The following GATA3 variants were observed in gnomAD, a reference collection of about 807,000 sequenced individuals.
The protein encoded by GATA3 is trans-acting T-cell-specific transcription factor GATA-3.
GATA3 carries 6 observed loss-of-function variants against 36.0 expected under a neutral mutation model. That is an observed-to-expected ratio of 0.17 (90% CI 0.09 to 0.33). The LOEUF is 0.33. Ranked by LOEUF, GATA3 falls within the 10% of genes least tolerant of loss-of-function variation. GATA3 has a pLI of 1.00. For missense variants in GATA3, 514 were observed against 610.1 expected, an observed-to-expected ratio of 0.84 and a Z score of 1.66; for synonymous variants, 326 against 273.0, an observed-to-expected ratio of 1.19 and a Z score of -1.92.
intron 3 of GATA3, among the ~76,000 whole-genome samples, chr10:8,059,127 C>A (rs772841647): frequency 3.3e-5 from 5 of 152,214 alleles, no homozygotes; most frequent in African/African-American, 1.2e-4. Context: ...TTCTGCCTGT[C>A]GCAGGACTTC....
chr10:8,067,662 A>G (rs890028875), intron 4 of GATA3, among the ~76,000 whole-genome samples: 7 of 151,302 alleles, frequency 4.6e-5, no homozygotes, highest in African/African-American at 1.7e-4. Context: ...TACTAAAAAT[A>G]CAAAAAATTA....
chr10:8,051,509 T>TGCG (rs561093069), upstream of GATA3: 114 of 157,208 alleles, frequency 7.3e-4, no homozygotes, highest in African/African-American at 2.0e-3. Flanking sequence ...CCCCGGGCCC[T>TGCG]GCGGCGGCGG....
At chr10:8,047,295 G>A (rs1445948554) in intron 1 of GATA3, among the ~76,000 whole-genome samples, 1 of 152,210 alleles carries the variant, frequency 6.6e-6, no homozygotes, top group Non-Finnish European at 1.5e-5. Flanking sequence ...GGAACCATAG[G>A]AGGTGGCAGG....
chr10:8,053,593 C>T (rs1303197819), upstream of GATA3: 1 of 152,260 alleles, frequency 6.6e-6, no homozygotes, highest in African/African-American at 2.4e-5. This position sits in a 1 kb window ranked among gnomAD's most constrained non-coding sequence, Gnocchi z 5.1. Flanking sequence ...GCTCGCCCCG[C>T]CCCTCTCGCT....
At chr10:8,045,573 G>T (rs969139080) in intron 1 of GATA3, 7 of 152,332 alleles carry the variant, frequency 4.6e-5, no homozygotes, top group Non-Finnish European at 7.3e-5. Context: ...CCCGCTCCAC[G>T]TGGAGAGAAT....
chr10:8,070,759 T>C (rs1273299204), intron 5 of GATA3, among the ~76,000 whole-genome samples: 2 of 152,190 alleles, frequency 1.3e-5, no homozygotes, highest in Admixed American at 1.3e-4. Context: ...GTTGCTGTGA[T>C]TCCGAGGAGC....
rs1832588878 is a variant in GATA3 at position 8,054,710 on chromosome 10, G to T, written c.-551G>T. On this transcript the variant is annotated 5_prime_UTR_variant, in exon 1 of 6. Coordinates refer to ENST00000379328, the MANE Select transcript of GATA3 (RefSeq NM_001002295.2). The surrounding 1 kb of genome is among the most constrained non-coding windows in gnomAD (Gnocchi z 4.2). ...TGCGAACACTGAGCTGCCTGGCGCC[G>T]TCTTGATACTTTCAGAAAGAATGCA... The T allele has an allele frequency of 6.7e-6, 1 of 149,552 alleles. No individual in the cohort carries two copies. The highest frequency in any genetic ancestry group is 2.1e-4 in the South Asian group (1 of 4,762). 9.3% of individuals were successfully genotyped at this position (149,552 alleles called of 1,614,324 possible).
intron 3 of GATA3, among the ~76,000 whole-genome samples, chr10:8,059,297 C>T (rs1313789108): frequency 6.6e-6 from 1 of 152,204 alleles, no homozygotes; most frequent in East Asian, 1.9e-4. Context: ...CTGTTCCTCT[C>T]GCTCAGCTCA....
chr10:8,072,511 G>A (rs1327958863), intron 5 of GATA3, among the ~76,000 whole-genome samples: 1 of 152,180 alleles, frequency 6.6e-6, no homozygotes, highest in Non-Finnish European at 1.5e-5. Flanking sequence ...AGTAACTTCT[G>A]TTTACTTTGT....
chr10:8,061,787 C>G (rs749650480), intron 3 of GATA3, among the ~76,000 whole-genome samples: 13 of 152,340 alleles, frequency 8.5e-5, no homozygotes, highest in Admixed American at 7.8e-4. Context: ...GGAAATCAGA[C>G]TGATCATGTC....
intron 4 of GATA3, among the ~76,000 whole-genome samples, chr10:8,067,698 G>T (rs927838556): frequency 7.2e-6 from 1 of 139,644 alleles, no homozygotes; most frequent in Non-Finnish European, 1.5e-5. Context: ...GGCGCCTGTA[G>T]TCCCAGCTAC....
At position 8,075,018 on chromosome 10, in the gene GATA3, G is replaced by A. The variant is rs1009852572; in HGVS notation, c.*995G>A. On this transcript the variant is annotated 3_prime_UTR_variant, in exon 6 of 6. Coordinates refer to ENST00000379328, the MANE Select transcript of GATA3 (RefSeq NM_001002295.2). ...CCTATTCCTGCAGCCTGTGCTGAGG[G>A]TAGCAGTGTATGAGCTACCAGCGTG... is the stretch of plus-strand genomic sequence containing the variant. 1.5e-4 allele frequency: 35 copies of A among 233,194 alleles called. 1 individual carries two copies. Among genetic ancestry groups the A allele is most frequent in the Middle Eastern group, 1.2e-3 (1 of 806 alleles). The allele number at this position is 233,194 out of a possible 1,614,324, so 14.4% of individuals were successfully genotyped here.
intron 2 of GATA3, among the ~76,000 whole-genome samples, chr10:8,057,102 G>A (rs986185435): frequency 3.9e-5 from 6 of 152,182 alleles, no homozygotes; most frequent in South Asian, 2.1e-4. Context: ...GTGGAAATGC[G>A]GTAGAGGCAG....
At position 8,055,989 on chromosome 10, in the gene GATA3, A is replaced by C; in HGVS notation, c.241+93A>C. On this transcript the variant is annotated intron_variant, in intron 2 of 5. Transcript: ENST00000379328. The surrounding 1 kb of genome is among the most constrained non-coding windows in gnomAD (Gnocchi z 5.4). ...AGGGACCTGAGGGCGGGGAGAGGTC[A>C]AGCGAAAGCCCCCATCTGCCGTTCC... 6.7e-7 allele frequency: 1 copy of C among 1,496,398 alleles called. No individual in the cohort carries two copies. The highest frequency in any genetic ancestry group is 9.1e-7 in the Non-Finnish European group (1 of 1,100,994). 92.7% of individuals were successfully genotyped at this position (1,496,398 alleles called of 1,614,324 possible).
rs747663891 is a variant in GATA3 at position 8,058,695 on chromosome 10, C to A, written c.632C>A (p.Ala211Asp). 1.9e-6 allele frequency: 3 copies of A among 1,612,884 alleles called. No homozygotes were observed. Among genetic ancestry groups the A allele is most frequent in the East Asian group, 2.2e-5 (1 of 44,856 alleles). ...GGCAGCATGACCGCCCTGGGTGGAG[C>A]CTCCTCGTCGACCCACCACCCCATC... ...SRGSMTALGG[A>D]SSSTHHPITT... The change falls in exon 3 of 6, where the codon GCC (alanine) becomes GAC (aspartate). Residue 211 changes from alanine to aspartate, a missense_variant. Ala to Asp is a moderately radical substitution (Grantham distance 126). Coordinates refer to ENST00000379328, the MANE Select transcript of GATA3 (RefSeq NM_001002295.2).
chr10:8,055,609 C>T lies in GATA3; in HGVS notation c.-47C>T, dbSNP rs1229641456. Reference sequence around the variant, plus strand: ...CCAGGCGGACCGCCCTCCCTCCCCGCGCGCGGGTTCCGGGCCCGGCGAGAG... The same window carrying T: ...CCAGGCGGACCGCCCTCCCTCCCCGTGCGCGGGTTCCGGGCCCGGCGAGAG... On this transcript the variant is annotated 5_prime_UTR_variant, in exon 2 of 6. Coordinates refer to ENST00000379328, the MANE Select transcript of GATA3 (RefSeq NM_001002295.2). The surrounding 1 kb of genome is among the most constrained non-coding windows in gnomAD (Gnocchi z 5.4). 4 of 1,536,028 alleles carry T rather than the reference C, an allele frequency of 2.6e-6. No individual in the cohort carries two copies. Among genetic ancestry groups the T allele is most frequent in the East Asian group, 2.5e-5 (1 of 40,688 alleles).
At chr10:8,065,190 C>G (rs1181827908) in intron 4 of GATA3, among the ~76,000 whole-genome samples, 2 of 152,012 alleles carry the variant, frequency 1.3e-5, no homozygotes, top group South Asian at 2.1e-4. Context: ...CTTTGCCCTC[C>G]CCATCAGATT....
intron 4 of GATA3, among the ~76,000 whole-genome samples, chr10:8,066,909 C>T (rs1042255062): frequency 6.6e-6 from 1 of 152,044 alleles, no homozygotes; most frequent in African/African-American, 2.4e-5. Context: ...CATGCTGTAC[C>T]TTGTCATCTG....
chr10:8,050,475 C>G (rs1252216717), upstream of GATA3: 1 of 152,950 alleles, frequency 6.5e-6, no homozygotes, highest in Non-Finnish European at 1.5e-5. Context: ...TTTTATTGAC[C>G]GATCGCAGCC....
Sources: gnomAD v4.1 joint callset for allele counts (sites outside exome capture counted in the v4.1 genomes callset) on GRCh38, gnomAD v4.1.1 for gene constraint, Gnocchi (gnomAD v3.1) non-coding constraint, MANE v1.5 for transcripts, NCBI Gene and HGNC (gene_info 2026-07-23, HGNC 2026-07-21) for gene names.